Variants in DYNC2I2 observed in about 807,000 individuals in gnomAD.
DYNC2I2 encodes cytoplasmic dynein 2 intermediate chain 2.
Under a neutral mutation model 52.0 loss-of-function variants are expected in DYNC2I2, and 39 were observed. The ratio of observed to expected loss-of-function variants is 0.75; its 90% CI spans 0.58 to 0.98. The LOEUF is 0.98. Among genes scored for constraint, DYNC2I2 ranks in the 50% least tolerant of loss-of-function variants. The probability of loss-of-function intolerance (pLI) is 0.00; values close to 1 mark genes in which losing one functional copy is unlikely to be tolerated. For missense variants in DYNC2I2, 743 were observed against 728.4 expected (o/e 1.02, Z -0.23); for synonymous variants, 359 against 321.1 (o/e 1.12, Z -1.26).
rs575292636 is a variant in DYNC2I2 at position 128,648,900 on chromosome 9, T to C, written c.186+7641A>G. On this transcript the variant is annotated intron_variant, in intron 1 of 8. Coordinates refer to ENST00000372715, the MANE Select transcript of DYNC2I2 (RefSeq NM_052844.4). Reference sequence around the variant, plus strand: ...GCCCAGAGCTAGGCAGCTAGGTCAATTCTGAGGAGGGATGCAGCAGAGGCC... The same window carrying C: ...GCCCAGAGCTAGGCAGCTAGGTCAACTCTGAGGAGGGATGCAGCAGAGGCC... Among the ~76,000 whole-genome samples, 27 of 151,670 alleles carry C rather than the reference T, an allele frequency of 1.8e-4. No individual in the cohort carries two copies. The South Asian group carries it at 5.4e-3, about 30-fold the overall frequency.
At chr9:128,635,592 G>A (rs775216433) in intron 5 of DYNC2I2, 66 bp downstream of exon 5, 25 of 1,436,780 alleles carry the variant, frequency 1.7e-5, no homozygotes, top group South Asian at 9.8e-5. Flanking sequence ...ACCTTCCTAG[G>A]AGAGTGGGCG....
At chr9:128,640,968 C>T in intron 1 of DYNC2I2, 29 bp from the exon 2 acceptor site, 1 of 1,556,994 alleles carries the variant, frequency 6.4e-7, no homozygotes, top group Non-Finnish European at 8.7e-7. Context: ...CAAGTGTCAC[C>T]ACCCAGCTGT....
chr9:128,636,217 G>A (rs1313376655), intron 4 of DYNC2I2, 64 bp downstream of exon 4: 23 of 1,548,572 alleles, frequency 1.5e-5, no homozygotes, highest in Non-Finnish European at 2.0e-5. Flanking sequence ...GCTCCCTTGT[G>A]CCCTCTGCAG....
At chr9:128,663,523 A>AG in the DYNC2I2 span, 1 of 152,226 alleles carries the variant, frequency 6.6e-6, no homozygotes, top group East Asian at 1.9e-4. Flanking sequence ...TGCTACTGCC[A>AG]GGACAGTGGA....
the DYNC2I2 span, among the ~76,000 whole-genome samples, chr9:128,675,943 G>C: frequency 5.3e-5 from 8 of 152,118 alleles, no homozygotes; most frequent in East Asian, 1.5e-3. Context: ...TGAAGCAGGA[G>C]GATCACTTGA....
In DYNC2I2 at chr9:128,656,836, G is replaced by T; in HGVS notation, c.-110C>A. On this transcript the variant is annotated 5_prime_UTR_variant, in exon 1 of 9. Transcript: ENST00000372715. ...AGGCTGACGGCGCCATGTTTGAATT[G>T]GTCGCAGCGCCTCCTGCAAGACCTG... 1 of 1,112,044 alleles carries T rather than the reference G, an allele frequency of 9.0e-7. No homozygotes were observed. The highest frequency in any genetic ancestry group is 1.6e-5 in the African/African-American group (1 of 60,718). 68.9% of individuals were successfully genotyped at this position (1,112,044 alleles called of 1,614,324 possible).
chr9:128,665,643 G>T, the DYNC2I2 span, among the ~76,000 whole-genome samples: 1 of 151,658 alleles, frequency 6.6e-6, no homozygotes, highest in African/African-American at 2.4e-5. Context: ...GATGGCACAC[G>T]CCCGTAATCC....
intron 7 of DYNC2I2, 149 bp from the exon 8 acceptor site, chr9:128,634,532 G>A: frequency 7.6e-7 from 1 of 1,310,758 alleles, no homozygotes; most frequent in East Asian, 2.5e-5. Context: ...ATTAGAGAAG[G>A]GACGATGCCT....
intron 2 of DYNC2I2, among the ~76,000 whole-genome samples, chr9:128,637,335 C>G (rs1469704503): frequency 6.6e-6 from 1 of 152,198 alleles, no homozygotes; most frequent in Non-Finnish European, 1.5e-5. Context: ...GGATGGTTGC[C>G]CAGCAGCATA....
the DYNC2I2 span, among the ~76,000 whole-genome samples, chr9:128,679,932 A>C: frequency 6.6e-6 from 1 of 152,188 alleles, no homozygotes; most frequent in South Asian, 2.1e-4. Flanking sequence ...AGCAATCCCC[A>C]TCCAGAAACT....
At chr9:128,643,482 G>A (rs1406280480) in intron 1 of DYNC2I2, among the ~76,000 whole-genome samples, 2 of 151,168 alleles carry the variant, frequency 1.3e-5, no homozygotes, top group Non-Finnish European at 2.9e-5. Context: ...AGCCGAGATC[G>A]TGCCACTGCA....
the DYNC2I2 span, among the ~76,000 whole-genome samples, chr9:128,675,044 G>A: frequency 6.6e-6 from 1 of 152,162 alleles, no homozygotes; most frequent in Non-Finnish European, 1.5e-5. Flanking sequence ...CAGCCTTCCT[G>A]AGCGGTCTGT....
chr9:128,682,672 CTTTTTTTTTT>C, the DYNC2I2 span, among the ~76,000 whole-genome samples: 20 of 120,630 alleles, frequency 1.7e-4, no homozygotes, highest in Non-Finnish European at 3.1e-4. Context: ...GGGACCTTGT[CTTTTTTTTTT>C]TTTTTTTTTT....
At chr9:128,684,220 A>G in the DYNC2I2 span, among the ~76,000 whole-genome samples, 1 of 151,990 alleles carries the variant, frequency 6.6e-6, no homozygotes, top group African/African-American at 2.4e-5. Context: ...CCCCCAACTC[A>G]ACACTGACCC....
At position 128,635,760 on chromosome 9, in the gene DYNC2I2, C is replaced by G; in HGVS notation, c.711G>C (p.Leu237=). 6.2e-7 allele frequency: 1 copy of G among 1,612,246 alleles called. No individual in the cohort carries two copies. The stretch of plus-strand genomic sequence containing the variant: ...CCCACACCAACACCTCACCACTGTA[C>G]AGCCCTCCTGCAGGGACAGTGGACC... The part of the protein sequence containing the change: ...PTQPSHVAGG[L]YSGEVLVWDL... Residue 237 remains leucine (L), a synonymous_variant, in exon 5 of 9, where the codon CTG becomes CTC. Transcript: ENST00000372715.
chr9:128,633,711 C>A lies in DYNC2I2; in HGVS notation c.*33G>T. On this transcript the variant is annotated 3_prime_UTR_variant, in exon 9 of 9. Transcript: ENST00000372715. Reference sequence around the variant, plus strand: ...TGCGTCAGAAACACAAGGCTCGGCACAGCGAAGGCTTGCACCCGCCTCCCG... The same window carrying A: ...TGCGTCAGAAACACAAGGCTCGGCAAAGCGAAGGCTTGCACCCGCCTCCCG... 6.3e-7 allele frequency: 1 copy of A among 1,592,124 alleles called. No homozygotes were observed. Among genetic ancestry groups the A allele is most frequent in the South Asian group, 1.1e-5 (1 of 89,162 alleles).
chr9:128,634,429 C>G lies in DYNC2I2; in HGVS notation c.1215-46G>C, dbSNP rs774414884. 15 of 1,526,902 alleles carry G rather than the reference C, an allele frequency of 9.8e-6. No homozygotes were observed. The African/African-American group carries it at 1.9e-4, about 20-fold the overall frequency. 94.6% of individuals were successfully genotyped at this position (1,526,902 alleles called of 1,614,324 possible). The stretch of plus-strand genomic sequence containing the variant: ...CAGGCAAGGGAATCAGTGCTGGGGT[C>G]TGGGTGGTGCTGGCCCCCAACACCA... On this transcript the variant is annotated intron_variant, in intron 7 of 8. Transcript: ENST00000372715.
At chr9:128,660,760 C>T (rs1415541846), upstream of DYNC2I2, among the ~76,000 whole-genome samples, 2 of 151,534 alleles carry the variant, frequency 1.3e-5, no homozygotes, top group East Asian at 1.9e-4. Context: ...GATGGTGTCA[C>T]GCTCTGTCAT....
Position 128,640,904 on chromosome 9 carries a change from A to G in DYNC2I2, c.222T>C (p.Ser74=), listed in dbSNP as rs1278854234. ...CATGATTCCTGGCCTGGGCGGATGCACTGGCAGTGGCAATGCTGGCCGTCT... is the reference window on the plus strand; with the variant it reads ...CATGATTCCTGGCCTGGGCGGATGCGCTGGCAGTGGCAATGCTGGCCGTCT... ...SCQTASIATA[S]ASAQARNHVD... Residue 74 remains serine, a synonymous_variant, in exon 2 of 9, where the codon AGT becomes AGC. Transcript: ENST00000372715. 1.2e-6 allele frequency: 2 copies of G among 1,606,142 alleles called. No homozygotes were observed. The highest frequency in any genetic ancestry group is 1.1e-5 in the South Asian group (1 of 90,638).
Sources: allele counts gnomAD v4.1 joint callset (sites outside exome capture counted in the v4.1 genomes callset), GRCh38; gene constraint gnomAD v4.1.1; transcripts MANE v1.5; gene names NCBI Gene and HGNC (gene_info 2026-07-23, HGNC 2026-07-21).